TMEM132D: variants seen among roughly 807,000 people sequenced by gnomAD.
The protein encoded by TMEM132D is transmembrane protein 132D.
Under a neutral mutation model 62.3 loss-of-function variants are expected in TMEM132D, and 21 were observed. The ratio of observed to expected loss-of-function variants is 0.34; its 90% CI spans 0.24 to 0.49. The LOEUF is 0.49. Among genes scored for constraint, TMEM132D ranks in the 20% least tolerant of loss-of-function variants. The pLI is 0.99. For synonymous variants in TMEM132D, 621 were observed against 575.6 expected (o/e 1.08, Z -1.13); for missense variants, 1,346 against 1,402.8 (o/e 0.96, Z 0.65).
At chr12:129,491,722 A>T (rs138911383) in intron 3 of TMEM132D, among the ~76,000 whole-genome samples, 1 of 152,324 alleles carries the variant, frequency 6.6e-6, no homozygotes, top group East Asian at 1.9e-4. Flanking sequence ...TGGGTAGATC[A>T]CTTGAGGCCA....
chr12:129,266,110 G>GAT (rs1473551789), intron 4 of TMEM132D, among the ~76,000 whole-genome samples: 1 of 152,108 alleles, frequency 6.6e-6, no homozygotes, highest in African/African-American at 2.4e-5. Context: ...GGCCACTGAT[G>GAT]ATGGCCTTTG....
intron 5 of TMEM132D, among the ~76,000 whole-genome samples, chr12:129,121,181 C>T (rs577236932): frequency 6.6e-6 from 1 of 152,238 alleles, no homozygotes; most frequent in South Asian, 2.1e-4. Flanking sequence ...CTGCAACCTC[C>T]ACCTCCTGAG....
intron 1 of TMEM132D, among the ~76,000 whole-genome samples, chr12:129,821,891 GA>G (rs1357158866): frequency 1.3e-5 from 2 of 152,176 alleles, no homozygotes; most frequent in Non-Finnish European, 2.9e-5. Context: ...TGGGGAGCAG[GA>G]GTGCTGCTCT....
At chr12:129,318,868 C>T (rs1353579880) in intron 4 of TMEM132D, among the ~76,000 whole-genome samples, 2 of 152,188 alleles carry the variant, frequency 1.3e-5, no homozygotes, top group East Asian at 1.9e-4. Flanking sequence ...ATTATGGCTG[C>T]CTCTGCTGAG....
chr12:129,146,134 C>CTA (rs1876888556), intron 5 of TMEM132D, among the ~76,000 whole-genome samples: 1 of 151,710 alleles, frequency 6.6e-6, no homozygotes, highest in Admixed American at 6.6e-5. Context: ...AGTGGTGTTC[C>CTA]AGTCTATCAT....
chr12:129,562,785 G>A (rs2137114344), intron 2 of TMEM132D, among the ~76,000 whole-genome samples: 1 of 152,288 alleles, frequency 6.6e-6, no homozygotes, highest in Admixed American at 6.5e-5. Context: ...ATTCCTGGGT[G>A]TAGAATATCC....
In TMEM132D at chr12:129,769,571, C is replaced by A. The variant is rs564475390; in HGVS notation, c.80-68873G>T. Among the ~76,000 whole-genome samples, 31 of 152,262 alleles carry A rather than the reference C, an allele frequency of 2.0e-4. 1 individual carries two copies. Among genetic ancestry groups the A allele is most frequent in the Admixed American group, 2.0e-3 (30 of 15,304 alleles). On this transcript the variant is annotated intron_variant, in intron 1 of 8. Transcript: ENST00000422113. ...CATGTCAGAAGGTCAGGCTTTCTTG[C>A]ATACCTACATGCCTAATACTGCCCT...
chr12:129,319,580 A>T (rs190837046), intron 4 of TMEM132D, among the ~76,000 whole-genome samples: 1 of 152,344 alleles, frequency 6.6e-6, no homozygotes. Flanking sequence ...ATTTAAAGCC[A>T]CAAGGAAGGA....
At chr12:129,610,301 C>G (rs960903943) in intron 2 of TMEM132D, among the ~76,000 whole-genome samples, 3 of 150,122 alleles carry the variant, frequency 2.0e-5, no homozygotes, top group African/African-American at 7.4e-5. Flanking sequence ...AAAAGAGAGA[C>G]AGAGAGAGAG....
At chr12:129,340,162 C>T (rs1869421662) in intron 3 of TMEM132D, among the ~76,000 whole-genome samples, 1 of 152,128 alleles carries the variant, frequency 6.6e-6, no homozygotes, top group Non-Finnish European at 1.5e-5. Context: ...CTTCCTGTAA[C>T]CTTACGTGAT....
chr12:129,155,062 G>C (rs189313414), intron 5 of TMEM132D, among the ~76,000 whole-genome samples: 1 of 152,224 alleles, frequency 6.6e-6, no homozygotes, highest in African/African-American at 2.4e-5. Context: ...GTGCACAAAC[G>C]AGAGATGCTT....
chr12:129,900,704 T>C (rs925728396), intron 1 of TMEM132D, among the ~76,000 whole-genome samples: 2 of 152,096 alleles, frequency 1.3e-5, no homozygotes, highest in South Asian at 2.1e-4. Flanking sequence ...CCCCCTCCCA[T>C]AAAGTTCACA....
chr12:129,360,947 A>G (rs1014798422), intron 3 of TMEM132D, among the ~76,000 whole-genome samples: 3 of 152,166 alleles, frequency 2.0e-5, no homozygotes, highest in Non-Finnish European at 4.4e-5. Context: ...GTGGCCAAGC[A>G]AGCAGTCAAT....
At chr12:129,810,060 G>A (rs2137314964) in intron 1 of TMEM132D, among the ~76,000 whole-genome samples, 2 of 152,220 alleles carry the variant, frequency 1.3e-5, no homozygotes, top group Middle Eastern at 3.4e-3. Context: ...CCAGCCAAAG[G>A]GAGAAGCAAT....
At chr12:129,344,879 T>C (rs997869958) in intron 3 of TMEM132D, among the ~76,000 whole-genome samples, 1 of 152,018 alleles carries the variant, frequency 6.6e-6, no homozygotes, top group African/African-American at 2.4e-5. Context: ...GTCTCTAAAA[T>C]TGCTGATTGA....
chr12:129,124,449 C>T (rs899053229), intron 5 of TMEM132D, among the ~76,000 whole-genome samples: 2 of 152,198 alleles, frequency 1.3e-5, no homozygotes, highest in Admixed American at 6.5e-5. Flanking sequence ...TTGAGCTCTC[C>T]TAAAATCTCT....
At chr12:129,080,758 A>T (rs1874421593) in intron 7 of TMEM132D, among the ~76,000 whole-genome samples, 1 of 152,210 alleles carries the variant, frequency 6.6e-6, no homozygotes. Context: ...ACAAAGCTGC[A>T]CTTGCACCCC....
chr12:129,089,621 G>GTGTCCTCCATGACCGGGTGT (rs1874840330), intron 5 of TMEM132D, among the ~76,000 whole-genome samples: 1 of 152,184 alleles, frequency 6.6e-6, no homozygotes, highest in African/African-American at 2.4e-5. Flanking sequence ...CCTGACGGGG[G>GTGTCCTCCATGACCGGGTGT]CCTTGCTGGT....
chr12:129,532,909 G>C (rs1876269635), intron 2 of TMEM132D, among the ~76,000 whole-genome samples: 1 of 152,160 alleles, frequency 6.6e-6, no homozygotes, highest in South Asian at 2.1e-4. Context: ...GCGTGAGCCT[G>C]GTCTCCTCCC....
Sources: allele counts gnomAD v4.1 joint callset (sites outside exome capture counted in the v4.1 genomes callset), GRCh38; gene constraint gnomAD v4.1.1; transcripts MANE v1.5; gene names NCBI Gene and HGNC (gene_info 2026-07-23, HGNC 2026-07-21).